DPY19L3: variants seen among roughly 807,000 people sequenced by gnomAD.
DPY19L3 encodes dpy-19 like C-mannosyltransferase 3.
Under a neutral mutation model 92.3 loss-of-function variants are expected in DPY19L3, and 51 were observed. The observed-to-expected ratio is 0.55, with a 90% CI of 0.44 to 0.70. The LOEUF is 0.70. DPY19L3 is among the 30% of genes least tolerant of loss of function. DPY19L3 has a pLI of 0.00. For missense variants in DPY19L3, 706 were observed against 855.9 expected (o/e 0.82, Z 2.18); for synonymous variants, 309 against 315.2 (o/e 0.98, Z 0.21).
At chr19:32,472,318 C>A (rs954609437) in intron 16 of DPY19L3, among the ~76,000 whole-genome samples, 1 of 152,056 alleles carries the variant, frequency 6.6e-6, no homozygotes, top group African/African-American at 2.4e-5. Flanking sequence ...AAAGTCAGGG[C>A]CCCAGGCTGC....
intron 4 of DPY19L3, among the ~76,000 whole-genome samples, chr19:32,434,755 C>T (rs1969083165): frequency 6.6e-6 from 1 of 152,260 alleles, no homozygotes; most frequent in Admixed American, 6.5e-5. Flanking sequence ...GGCTGGAAGT[C>T]TGAGGTTAGG....
intron 8 of DPY19L3, among the ~76,000 whole-genome samples, chr19:32,440,983 C>A (rs922471247): frequency 6.6e-6 from 1 of 151,990 alleles, no homozygotes; most frequent in Non-Finnish European, 1.5e-5. Context: ...GTAGATAGGA[C>A]TAAGTTTATA....
At chr19:32,407,068 G>C (rs1187512620) in intron 1 of DPY19L3, among the ~76,000 whole-genome samples, 1 of 150,094 alleles carries the variant, frequency 6.7e-6, no homozygotes. Flanking sequence ...TTGTTCTGTA[G>C]AGCAAGTTAC....
At chr19:32,413,018 T>C (rs1223167500) in intron 3 of DPY19L3, 2 of 152,178 alleles carry the variant, frequency 1.3e-5, no homozygotes, top group Non-Finnish European at 2.9e-5. Flanking sequence ...TTTCAACATT[T>C]CTAGAACTCC....
At chr19:32,470,871 C>T (rs1030107354) in intron 16 of DPY19L3, among the ~76,000 whole-genome samples, 2 of 143,988 alleles carry the variant, frequency 1.4e-5, no homozygotes, top group East Asian at 2.1e-4. Flanking sequence ...CTAGTCTCAG[C>T]TTTTTCCCCT....
chr19:32,417,675 A>G (rs1197118827), intron 3 of DPY19L3, among the ~76,000 whole-genome samples: 1 of 152,182 alleles, frequency 6.6e-6, no homozygotes. Context: ...GCCTGCCGCC[A>G]TGTAAGACTT....
chr19:32,444,211 C>G (rs1969415140), intron 8 of DPY19L3, among the ~76,000 whole-genome samples: 1 of 151,824 alleles, frequency 6.6e-6, no homozygotes, highest in African/African-American at 2.4e-5. Flanking sequence ...TACGAACACA[C>G]TTGAAACAAA....
chr19:32,481,019 G>A (rs1394596368), intron 18 of DPY19L3: 2 of 367,846 alleles, frequency 5.4e-6, no homozygotes, highest in Non-Finnish European at 9.7e-6. Context: ...AGTGTCCTGT[G>A]TCCACTGGTG....
At position 32,420,540 on chromosome 19, in the gene DPY19L3, G is replaced by A. The variant is rs148672007; in HGVS notation, c.237+9168G>A. ...GCTCACTGCAACCTTTGCCTCCCGA[G>A]TTCAAGCGATTCTCCTGCCTCAGCC... On this transcript the variant is annotated intron_variant, in intron 3 of 18. Coordinates refer to ENST00000392250, the MANE Select transcript of DPY19L3 (RefSeq NM_001172774.2). Among the ~76,000 whole-genome samples, 462 of 152,066 alleles carry A rather than the reference G, an allele frequency of 3.0e-3. 5 individuals are homozygous for A. Among genetic ancestry groups the A allele is most frequent in the African/African-American group, 0.011 (452 of 41,456 alleles).
At chr19:32,460,304 G>A (rs1304894775) in intron 12 of DPY19L3, among the ~76,000 whole-genome samples, 3 of 152,096 alleles carry the variant, frequency 2.0e-5, no homozygotes, top group Non-Finnish European at 2.9e-5. Flanking sequence ...CTAACAAGTC[G>A]GGAGGCTAAG....
intron 8 of DPY19L3, among the ~76,000 whole-genome samples, chr19:32,451,252 G>A (rs181863765): frequency 1.1e-4 from 16 of 152,342 alleles, no homozygotes; most frequent in Admixed American, 1.0e-3. Flanking sequence ...GATATGGTAG[G>A]ATGTGAAGGA....
intron 8 of DPY19L3, among the ~76,000 whole-genome samples, chr19:32,451,494 T>G (rs1969698109): frequency 6.6e-6 from 1 of 152,228 alleles, no homozygotes; most frequent in Non-Finnish European, 1.5e-5. Flanking sequence ...AGCACTGAAC[T>G]GCTGCAAGCC....
intron 8 of DPY19L3, among the ~76,000 whole-genome samples, chr19:32,449,137 A>G (rs924371160): frequency 6.6e-6 from 1 of 152,238 alleles, no homozygotes; most frequent in South Asian, 2.1e-4. Context: ...TTATAAACCA[A>G]TGAGAAAAGG....
intron 5 of DPY19L3, among the ~76,000 whole-genome samples, chr19:32,436,794 G>A (rs1482882077): frequency 1.3e-5 from 2 of 152,112 alleles, no homozygotes; most frequent in Non-Finnish European, 2.9e-5. Context: ...ATGTATGTAT[G>A]CGGTCTAGAA....
chr19:32,442,464 C>T (rs181439198), intron 8 of DPY19L3, among the ~76,000 whole-genome samples: 16 of 152,230 alleles, frequency 1.1e-4, no homozygotes, highest in African/African-American at 3.9e-4. Flanking sequence ...ACATTTCTCC[C>T]CGTTCCTCCC....
At chr19:32,468,613 G>T in intron 15 of DPY19L3, 118 bp from the exon 16 acceptor site, 1 of 1,421,780 alleles carries the variant, frequency 7.0e-7, no homozygotes. Flanking sequence ...TATTCCAGTA[G>T]CTATGTTTAT....
intron 16 of DPY19L3, among the ~76,000 whole-genome samples, chr19:32,472,938 G>A (rs922216474): frequency 2.6e-5 from 4 of 152,068 alleles, no homozygotes; most frequent in Admixed American, 6.5e-5. Flanking sequence ...ATATGATGTA[G>A]GCTAAGTTCA....
At chr19:32,454,588 AAAAG>A (rs1237243931) in intron 9 of DPY19L3, among the ~76,000 whole-genome samples, 1 of 152,166 alleles carries the variant, frequency 6.6e-6, no homozygotes, top group Non-Finnish European at 1.5e-5. Context: ...GAAAAAGAAA[AAAAG>A]AAAAAGATGT....
chr19:32,447,665 G>A (rs561003901), intron 8 of DPY19L3, among the ~76,000 whole-genome samples: 1 of 151,948 alleles, frequency 6.6e-6, no homozygotes, highest in East Asian at 1.9e-4. Flanking sequence ...GCAGTGAGCT[G>A]AGACTGCACC....
Sources: allele counts gnomAD v4.1 joint callset (sites outside exome capture counted in the v4.1 genomes callset), GRCh38; gene constraint gnomAD v4.1.1; transcripts MANE v1.5; gene names NCBI Gene and HGNC (gene_info 2026-07-23, HGNC 2026-07-21).